Variants in TTC29 observed in about 807,000 individuals in gnomAD.
The protein encoded by TTC29 is tetratricopeptide repeat protein 29.
A neutral mutation model predicts 58.1 loss-of-function variants in TTC29; 49 were observed. The ratio of observed to expected loss-of-function variants is 0.84; its 90% confidence interval spans 0.67 to 1.07. TTC29 has a LOEUF of 1.07. Among genes scored for constraint, TTC29 ranks in the 50% least tolerant of loss-of-function variants. TTC29 has a pLI of 0.00. For missense variants in TTC29, 582 were observed against 555.6 expected (o/e 1.05, Z -0.48); for synonymous variants, 209 against 196.8 (o/e 1.06, Z -0.52).
chr4:146,894,576 T>C (rs1277256698), intron 6 of TTC29, among the ~76,000 whole-genome samples: 2 of 151,788 alleles, frequency 1.3e-5, no homozygotes, highest in African/African-American at 4.8e-5. Flanking sequence ...ATATACCTAA[T>C]GTTAAATGAC....
chr4:146,803,445 C>A lies in TTC29; in HGVS notation c.1330+12G>T, dbSNP rs546269653. On this transcript the variant is annotated intron_variant, in intron 11 of 12. Coordinates refer to ENST00000325106, the MANE Select transcript of TTC29 (RefSeq NM_031956.4). ...TATGAAAACTAAAGTGTTCTAAAAA[C>A]CAATGCCTTACCAGTAACTGGATCA... is the stretch of plus-strand genomic sequence containing the variant. 2 of 1,537,472 alleles carry A rather than the reference C, an allele frequency of 1.3e-6. No individual in the cohort carries two copies. The highest frequency in any genetic ancestry group is 2.7e-5 in the African/African-American group (2 of 73,262).
At chr4:146,788,415 G>A (rs1380002750) in intron 11 of TTC29, among the ~76,000 whole-genome samples, 1 of 152,140 alleles carries the variant, frequency 6.6e-6, no homozygotes, top group Non-Finnish European at 1.5e-5. Context: ...TTTACAAAAT[G>A]ACTTTATAAC....
chr4:146,821,438 A>T lies in TTC29; in HGVS notation c.978-1190T>A, dbSNP rs189448345. 5.5e-3 allele frequency among the ~76,000 whole-genome samples: 837 copies of T among 151,756 alleles called. 7 individuals carry two copies. Among genetic ancestry groups the T allele is most frequent in the African/African-American group, 0.017 (706 of 41,314 alleles). On this transcript the variant is annotated intron_variant, in intron 9 of 12. Coordinates refer to ENST00000325106, the MANE Select transcript of TTC29 (RefSeq NM_031956.4). ...ATTATGTCTCACTAAAGCTGTTTTT[A>T]AAAAAAAACTTTTAAAAGTTTATAA...
chr4:146,776,510 T>C (rs1308998211), intron 11 of TTC29, among the ~76,000 whole-genome samples: 3 of 152,098 alleles, frequency 2.0e-5, no homozygotes, highest in Non-Finnish European at 2.9e-5. Flanking sequence ...TGGGTTCAAT[T>C]GACTGGGTTT....
At chr4:146,845,230 G>A (rs965440043) in intron 8 of TTC29, among the ~76,000 whole-genome samples, 2 of 152,180 alleles carry the variant, frequency 1.3e-5, no homozygotes, top group Non-Finnish European at 2.9e-5. Context: ...CTGCCTTAGA[G>A]TTAAGGCGGT....
intron 2 of TTC29, among the ~76,000 whole-genome samples, chr4:146,940,434 C>T (rs1736272605): frequency 6.6e-6 from 1 of 152,292 alleles, no homozygotes; most frequent in East Asian, 1.9e-4. Flanking sequence ...ACAGCCATAA[C>T]AATATAATGA....
chr4:146,929,257 G>A (rs577572066), intron 4 of TTC29, among the ~76,000 whole-genome samples: 29 of 152,102 alleles, frequency 1.9e-4, no homozygotes, highest in Middle Eastern at 6.8e-3. Flanking sequence ...ACAGAGTAAG[G>A]TCAACAAAAA....
chr4:146,873,350 A>G (rs1208904944), intron 7 of TTC29, among the ~76,000 whole-genome samples: 3 of 152,124 alleles, frequency 2.0e-5, no homozygotes, highest in South Asian at 2.1e-4. Context: ...GTGGGGACAA[A>G]TATTTTTTGG....
chr4:146,854,994 T>A (rs2357279), intron 8 of TTC29, among the ~76,000 whole-genome samples: 2,428 of 152,180 alleles, frequency 0.016, 72 homozygotes, highest in African/African-American at 0.054. Flanking sequence ...TCTTCATCAT[T>A]AAAAACAATG....
chr4:146,847,536 G>T (rs1334840481), intron 8 of TTC29, among the ~76,000 whole-genome samples: 2 of 152,172 alleles, frequency 1.3e-5, no homozygotes, highest in South Asian at 4.1e-4. Flanking sequence ...AGCAGTGACA[G>T]GCAGGAGCCG....
intron 4 of TTC29, among the ~76,000 whole-genome samples, chr4:146,929,122 A>T (rs193299760): frequency 6.6e-6 from 1 of 152,332 alleles, no homozygotes; most frequent in Admixed American, 6.5e-5. Flanking sequence ...GGCAATCAAC[A>T]TTGGAAATTT....
intron 11 of TTC29, among the ~76,000 whole-genome samples, chr4:146,774,703 G>A (rs906505322): frequency 2.0e-5 from 3 of 152,118 alleles, no homozygotes; most frequent in African/African-American, 7.2e-5. Flanking sequence ...TGTTGTTTTG[G>A]GTGGACAGTT....
At chr4:146,783,864 AAG>A (rs1748805636) in intron 11 of TTC29, among the ~76,000 whole-genome samples, 1 of 152,066 alleles carries the variant, frequency 6.6e-6, no homozygotes, top group Non-Finnish European at 1.5e-5. Flanking sequence ...TTTGAAGATA[AAG>A]AGAGAACTAT....
chr4:146,725,798 G>A (rs879025165), intron 11 of TTC29, among the ~76,000 whole-genome samples: 1 of 152,084 alleles, frequency 6.6e-6, no homozygotes, highest in East Asian at 1.9e-4. Context: ...CAATATTGTA[G>A]AGCATTTCAT....
At chr4:146,863,612 T>G (rs1052848320) in intron 8 of TTC29, among the ~76,000 whole-genome samples, 1 of 152,052 alleles carries the variant, frequency 6.6e-6, no homozygotes, top group African/African-American at 2.4e-5. Context: ...TCATAGCCTC[T>G]CATGTGTATA....
At chr4:146,797,886 C>A (rs1749939298) in intron 11 of TTC29, among the ~76,000 whole-genome samples, 1 of 136,540 alleles carries the variant, frequency 7.3e-6, no homozygotes, top group African/African-American at 2.8e-5. Flanking sequence ...TTTCCCTCTC[C>A]TTTGGGGCCT....
intron 11 of TTC29, among the ~76,000 whole-genome samples, chr4:146,796,158 G>A (rs1016440331): frequency 1.3e-5 from 2 of 150,822 alleles, no homozygotes; most frequent in African/African-American, 4.9e-5. Context: ...AGTTAAAACT[G>A]GTAACACCAC....
chr4:146,748,663 G>A (rs1309372646), intron 11 of TTC29, among the ~76,000 whole-genome samples: 1 of 152,172 alleles, frequency 6.6e-6, no homozygotes, highest in Non-Finnish European at 1.5e-5. Context: ...GCTACATGGA[G>A]ACTACATCAC....
At chr4:146,778,516 T>C (rs1386315771) in intron 11 of TTC29, among the ~76,000 whole-genome samples, 3 of 152,178 alleles carry the variant, frequency 2.0e-5, no homozygotes, top group Admixed American at 2.0e-4. Context: ...TGGGTGTCAA[T>C]TTTTTAAAAT....
Sources: gnomAD v4.1 joint callset for allele counts (sites outside exome capture counted in the v4.1 genomes callset) on GRCh38, gnomAD v4.1.1 for gene constraint, MANE v1.5 for transcripts, NCBI Gene and HGNC (gene_info 2026-07-23, HGNC 2026-07-21) for gene names.